ZFHX3: variants seen among roughly 807,000 people sequenced by gnomAD.
The protein encoded by ZFHX3 is zinc finger homeobox protein 3.
Under a neutral mutation model 279.1 loss-of-function variants are expected in ZFHX3, and 42 were observed. That is an observed-to-expected ratio of 0.15 (90% CI 0.12 to 0.19). The LOEUF is 0.19. ZFHX3 is among the 10% of genes least tolerant of loss of function. ZFHX3 has a pLI of 1.00. For synonymous variants in ZFHX3, 2,293 were observed against 1,957.8 expected (o/e 1.17, Z -4.52); for missense variants, 4,981 against 4,754.0 (o/e 1.05, Z -1.40).
At chr16:73,309,367 A>G (rs1225704790) in intron 4 of ZFHX3, among the ~76,000 whole-genome samples, 1 of 152,132 alleles carries the variant, frequency 6.6e-6, no homozygotes, top group Non-Finnish European at 1.5e-5. Context: ...TCTAAGGATG[A>G]TGGCCTCTAG....
chr16:73,841,143 T>C (rs893089969), intron 1 of ZFHX3, among the ~76,000 whole-genome samples: 3 of 152,184 alleles, frequency 2.0e-5, no homozygotes, highest in Non-Finnish European at 4.4e-5. Flanking sequence ...GCAAAGACTC[T>C]AGCAGAGATT....
At chr16:73,800,725 T>C (rs1344762704) in intron 1 of ZFHX3, among the ~76,000 whole-genome samples, 1 of 152,138 alleles carries the variant, frequency 6.6e-6, no homozygotes, top group African/African-American at 2.4e-5. Context: ...TGTCATCCTT[T>C]TGAGCTGCCC....
chr16:73,845,761 G>T (rs1412197048), intron 1 of ZFHX3, among the ~76,000 whole-genome samples: 1 of 152,120 alleles, frequency 6.6e-6, no homozygotes, highest in African/African-American at 2.4e-5. Context: ...ATGAAGTAAG[G>T]CATGTCTCAC....
intron 4 of ZFHX3, among the ~76,000 whole-genome samples, chr16:73,258,091 C>G (rs182499288): frequency 1.1e-3 from 174 of 152,264 alleles, no homozygotes; most frequent in East Asian, 4.6e-3. Context: ...ACAGTAGTAA[C>G]TACTATTTTT....
At chr16:73,739,225 T>C (rs1310332369) in intron 1 of ZFHX3, among the ~76,000 whole-genome samples, 2 of 152,104 alleles carry the variant, frequency 1.3e-5, no homozygotes, top group Non-Finnish European at 2.9e-5. Context: ...TACACAGGAG[T>C]TGTGCATTTT....
Position 73,589,841 on chromosome 16 carries a change from T to C in ZFHX3, c.-1547+90339A>G, listed in dbSNP as rs148340373. ...GTATAAAACAGCAATAAACTAGAAA[T>C]GCAATGCCTGAACACTGAAAGTAAA... On this transcript the variant is annotated intron_variant, in intron 2 of 17. Transcript: ENST00000641206. Among the ~76,000 whole-genome samples the C allele has an allele frequency of 5.4e-4, 75 of 139,136 alleles. 2 individuals are homozygous for C. In the East Asian group the frequency reaches 7.0e-3, roughly 13 times the overall value. 91.3% of individuals were successfully genotyped at this position (139,136 alleles called of 152,430 possible).
intron 3 of ZFHX3, among the ~76,000 whole-genome samples, chr16:73,352,622 G>A (rs2016268140): frequency 6.6e-6 from 1 of 151,772 alleles, no homozygotes; most frequent in Non-Finnish European, 1.5e-5. Flanking sequence ...TGGGACTACA[G>A]GCATGTGCCA....
chr16:73,160,042 C>T (rs1360887009), intron 5 of ZFHX3, among the ~76,000 whole-genome samples: 1 of 152,192 alleles, frequency 6.6e-6, no homozygotes, highest in Non-Finnish European at 1.5e-5. Flanking sequence ...GGATTACAGG[C>T]ATGAGCCTCC....
chr16:73,020,330 C>T (rs1204492023), intron 1 of ZFHX3, among the ~76,000 whole-genome samples: 11 of 152,172 alleles, frequency 7.2e-5, no homozygotes, highest in African/African-American at 2.4e-4. Flanking sequence ...AAGGAAACCA[C>T]GAAGAGGGGT....
chr16:73,560,805 C>T (rs999513625), intron 2 of ZFHX3, among the ~76,000 whole-genome samples: 2 of 152,158 alleles, frequency 1.3e-5, no homozygotes, highest in African/African-American at 2.4e-5. Flanking sequence ...TTGTGTGAGT[C>T]GCTGCTACTT....
intron 4 of ZFHX3, among the ~76,000 whole-genome samples, chr16:73,291,173 C>T (rs529681495): frequency 7.9e-5 from 12 of 152,182 alleles, no homozygotes; most frequent in Non-Finnish European, 1.8e-4. Context: ...CTCCTTCCAA[C>T]GGTACCCATG....
At chr16:73,759,881 A>C (rs1171045553) in intron 1 of ZFHX3, among the ~76,000 whole-genome samples, 14 of 9,450 alleles carry the variant, frequency 1.5e-3, no homozygotes, top group Admixed American at 9.0e-3. Context: ...GTCTTACAGG[A>C]AAAAAAAAAA....
intron 3 of ZFHX3, among the ~76,000 whole-genome samples, chr16:73,326,540 T>C (rs2015692843): frequency 6.6e-6 from 1 of 152,180 alleles, no homozygotes; most frequent in South Asian, 2.1e-4. Flanking sequence ...AGTCTATTTA[T>C]TTGCAATGCC....
chr16:73,322,322 A>G (rs2015591793), intron 3 of ZFHX3, among the ~76,000 whole-genome samples: 1 of 152,024 alleles, frequency 6.6e-6, no homozygotes, highest in South Asian at 2.1e-4. Context: ...CACACGTTTA[A>G]TGGCGAGGCA....
At chr16:72,925,103 T>C (rs748807781) in intron 3 of ZFHX3, among the ~76,000 whole-genome samples, 9 of 152,218 alleles carry the variant, frequency 5.9e-5, no homozygotes, top group African/African-American at 9.6e-5. Flanking sequence ...CCTGGATACA[T>C]TGTACAATCT....
At position 73,251,314 on chromosome 16, in the gene ZFHX3, GATA is replaced by G. The variant is rs1249574703; in HGVS notation, c.-1104+5730_-1104+5732del. ...CTAAACAGTGAATCACTAAGCTGTG[GATA>G]ATGTTACACCACAAGTGTGATAAAA... On this transcript the variant is annotated intron_variant, in intron 5 of 17. Coordinates refer to the ZFHX3 transcript ENST00000641206. Among the ~76,000 whole-genome samples, 7 of 152,242 alleles carry G rather than the reference GATA, an allele frequency of 4.6e-5. No individual in the cohort carries two copies. In the South Asian group the frequency reaches 1.2e-3, roughly 27 times the overall value.
intron 5 of ZFHX3, among the ~76,000 whole-genome samples, chr16:73,181,090 G>A (rs1567411708): frequency 7.3e-6 from 1 of 137,506 alleles, no homozygotes; most frequent in East Asian, 2.1e-4. Flanking sequence ...TGTTTGTTTT[G>A]TTTTGTTTTG....
chr16:73,417,396 CTT>C (rs57283343), intron 3 of ZFHX3, among the ~76,000 whole-genome samples: 2 of 118,750 alleles, frequency 1.7e-5, no homozygotes, highest in African/African-American at 6.6e-5. Context: ...TTTTTCTTTT[CTT>C]TTTTTTTTTT....
rs542857226 is a variant in ZFHX3 at position 73,229,403 on chromosome 16, A to G, written c.-1104+27644T>C. ...AATAAAAGTAATGAGGGAGAAAATA[A>G]CTATCTATTTTTAGTTTCCAAATTT... On this transcript the variant is annotated intron_variant, in intron 5 of 17. Coordinates refer to the ZFHX3 transcript ENST00000641206. Among the ~76,000 whole-genome samples, 87 of 152,360 alleles carry G rather than the reference A, an allele frequency of 5.7e-4. 1 individual carries two copies. The highest frequency in any genetic ancestry group is 2.0e-3 in the African/African-American group (85 of 41,576).
Sources: gnomAD v4.1 joint callset for allele counts (sites outside exome capture counted in the v4.1 genomes callset) on GRCh38, gnomAD v4.1.1 for gene constraint, MANE v1.5 for transcripts, NCBI Gene and HGNC (gene_info 2026-07-23, HGNC 2026-07-21) for gene names.